The following CLEC2B variants were observed in gnomAD, a reference collection of about 807,000 sequenced individuals.
The protein encoded by CLEC2B is C-type lectin domain family 2 member B, also known as C-type (calcium dependent, carbohydrate-recognition domain) lectin, superfamily member 2 (activation-induced).
Under a neutral mutation model 16.2 loss-of-function variants are expected in CLEC2B, and 14 were observed. The observed-to-expected ratio is 0.86, with a 90% confidence interval of 0.57 to 1.35. The LOEUF (loss-of-function observed/expected upper bound fraction) is 1.35, where lower values mean the gene tolerates loss of function less well. Among genes scored for constraint, CLEC2B ranks in the 40% most tolerant of loss-of-function variants. The pLI is 0.00. For missense variants in CLEC2B, 166 were observed against 182.3 expected (o/e 0.91, Z 0.52); for synonymous variants, 42 against 55.8 (o/e 0.75, Z 1.10).
intron 2 of CLEC2B, among the ~76,000 whole-genome samples, chr12:9,858,998 C>T (rs1477190613): frequency 1.3e-5 from 2 of 151,886 alleles, no homozygotes; most frequent in African/African-American, 4.8e-5. Flanking sequence ...TTTTTTTCAA[C>T]CTGTTATATG....
intron 4 of CLEC2B, 118 bp from the exon 5 acceptor site, chr12:9,853,526 C>T: frequency 1.4e-6 from 1 of 733,136 alleles, no homozygotes; most frequent in Non-Finnish European, 2.4e-6. Context: ...GCACAGTTCT[C>T]TCTTGCTAGT....
chr12:9,863,505 A>C (rs1867948646), intron 1 of CLEC2B, among the ~76,000 whole-genome samples: 1 of 152,214 alleles, frequency 6.6e-6, no homozygotes, highest in South Asian at 2.1e-4. Context: ...CACTTGTACC[A>C]AGAATTCAAA....
chr12:9,853,135 C>A lies in CLEC2B; in HGVS notation c.*165G>T. On this transcript the variant is annotated 3_prime_UTR_variant, in exon 5 of 5. Coordinates refer to ENST00000228438, the MANE Select transcript of CLEC2B (RefSeq NM_005127.3). ...AAAAACTCAGCAGAATACCTGTAAC[C>A]ATTTTTTGCCAATCTTTGAAGTGGC... 6 of 512,298 alleles carry A rather than the reference C, an allele frequency of 1.2e-5. No individual in the cohort carries two copies. Among genetic ancestry groups the A allele is most frequent in the South Asian group, 2.7e-5 (1 of 37,566 alleles). The allele number at this position is 512,298 out of a possible 1,614,324, so 31.7% of individuals were successfully genotyped here. A position where few individuals can be genotyped will look rare whatever the true frequency, so the allele number is the denominator to read the frequency against.
intron 1 of CLEC2B, among the ~76,000 whole-genome samples, chr12:9,865,180 CAAAAAAAAA>C (rs56774558): frequency 1.9e-4 from 19 of 99,104 alleles, no homozygotes; most frequent in African/African-American, 7.0e-4. Context: ...AAGACTCTCT[CAAAAAAAAA>C]AAAAAAAAAA....
At chr12:9,854,799 C>A (rs114190342) in intron 3 of CLEC2B, 5 of 420,442 alleles carry the variant, frequency 1.2e-5, no homozygotes, top group African/African-American at 8.2e-5. Context: ...ATTGAGCTCT[C>A]GCACAGCATT....
intron 2 of CLEC2B, among the ~76,000 whole-genome samples, chr12:9,859,022 G>T (rs957534610): frequency 6.6e-6 from 1 of 151,806 alleles, no homozygotes; most frequent in African/African-American, 2.4e-5. Context: ...TACAAATTTT[G>T]CTGTGACCAT....
chr12:9,864,711 A>T (rs1042329236), intron 1 of CLEC2B, among the ~76,000 whole-genome samples: 9 of 152,204 alleles, frequency 5.9e-5, no homozygotes, highest in African/African-American at 2.2e-4. Flanking sequence ...TAAAAATAAA[A>T]AGCAACTAAT....
chr12:9,855,198 CT>C (rs1320515191), intron 3 of CLEC2B, among the ~76,000 whole-genome samples: 1 of 152,054 alleles, frequency 6.6e-6, no homozygotes, highest in African/African-American at 2.4e-5. Context: ...TATCACTCTA[CT>C]TTTCAATTTA....
At chr12:9,862,198 AT>A (rs1452223173) in intron 2 of CLEC2B, among the ~76,000 whole-genome samples, 2 of 152,050 alleles carry the variant, frequency 1.3e-5, no homozygotes, top group African/African-American at 4.8e-5. Flanking sequence ...TTTATATAAA[AT>A]TTTTTAGTAG....
intron 3 of CLEC2B, among the ~76,000 whole-genome samples, chr12:9,855,631 T>A (rs3829318): frequency 0.036 from 5,496 of 151,858 alleles, 342 homozygotes; most frequent in East Asian, 0.29. Flanking sequence ...TAATTCATAG[T>A]CTAGACTCAG....
intron 1 of CLEC2B, among the ~76,000 whole-genome samples, chr12:9,863,698 A>G (rs925237466): frequency 5.3e-5 from 8 of 152,186 alleles, no homozygotes; most frequent in African/African-American, 1.9e-4. Flanking sequence ...AGAATGGATC[A>G]AGAAGAAGAA....
In CLEC2B at chr12:9,857,597, A is replaced by G. The variant is rs201142725; in HGVS notation, c.114T>C (p.Asp38=). The G allele has an allele frequency of 1.4e-5, 23 of 1,611,166 alleles. No individual in the cohort carries two copies. The highest frequency in any genetic ancestry group is 2.0e-5 in the Non-Finnish European group (23 of 1,178,014). The change falls in exon 3 of 5, where the codon GAT becomes GAC. Residue 38 remains aspartate (D), a synonymous_variant. Transcript: ENST00000228438. ...AGCATTTGTTTTGGAAACCAATCCA[A>G]TCATAGGGGCATAAACTCTGAGAAT... is the stretch of plus-strand genomic sequence containing the variant. ...TRDSQSLCPY[D]WIGFQNKCYY... is the part of the protein sequence containing the mutation.
intron 4 of CLEC2B, among the ~76,000 whole-genome samples, chr12:9,854,014 G>A (rs1037977122): frequency 2.6e-5 from 4 of 152,036 alleles, no homozygotes; most frequent in Non-Finnish European, 4.4e-5. Flanking sequence ...GAAAATGAAC[G>A]TCAAATTGAA....
chr12:9,860,550 T>A lies in CLEC2B; in HGVS notation c.73+1949A>T, dbSNP rs534327896. 1.3e-4 allele frequency among the ~76,000 whole-genome samples: 19 copies of A among 151,972 alleles called. No individual in the cohort carries two copies. The East Asian group carries it at 3.5e-3, about 28-fold the overall frequency. On this transcript the variant is annotated intron_variant, in intron 2 of 4. Coordinates refer to ENST00000228438, the MANE Select transcript of CLEC2B (RefSeq NM_005127.3). ...AATATTTTAAATGTATGATTCAATA[T>A]TAAGATAATGATTCCATGAAAATTG...
chr12:9,869,315 C>G lies in CLEC2B; in HGVS notation c.-113G>C, dbSNP rs1264610726. ...ATTTAACTTTAATATAAAAATGTTACTCTTGTTTTTACAGCACAGCTCCAA... is the reference window on the plus strand; with the variant it reads ...ATTTAACTTTAATATAAAAATGTTAGTCTTGTTTTTACAGCACAGCTCCAA... On this transcript the variant is annotated 5_prime_UTR_variant, in exon 1 of 5. Transcript: ENST00000228438. 1 of 152,112 alleles carries G rather than the reference C, an allele frequency of 6.6e-6. No homozygotes were observed. Among genetic ancestry groups the G allele is most frequent in the Non-Finnish European group, 1.5e-5 (1 of 67,992 alleles). The allele number at this position is 152,112 out of a possible 1,614,324, so 9.4% of individuals were successfully genotyped here. A position where few individuals can be genotyped will look rare whatever the true frequency, so the allele number is the denominator to read the frequency against.
At chr12:9,868,030 C>G (rs904237366) in intron 1 of CLEC2B, among the ~76,000 whole-genome samples, 1 of 151,362 alleles carries the variant, frequency 6.6e-6, no homozygotes, top group African/African-American at 2.4e-5. Flanking sequence ...TTATATCACA[C>G]TGCCCTAAAT....
At chr12:9,857,261 G>C in intron 3 of CLEC2B, 1 of 519,240 alleles carries the variant, frequency 1.9e-6, no homozygotes, top group Non-Finnish European at 3.4e-6. Context: ...ATAAAGATAG[G>C]TATTAAGTCT....
chr12:9,853,085 G>GAAAGAAAGAAAGAA lies in CLEC2B; in HGVS notation c.*214_*215insTTCTTTCTTTCTTT, dbSNP rs1555123321. 142 of 315,874 alleles carry GAAAGAAAGAAAGAA rather than the reference G, an allele frequency of 4.5e-4. No individual in the cohort carries two copies. The highest frequency in any genetic ancestry group is 1.0e-3 in the South Asian group (26 of 25,758). The allele number at this position is 315,874 out of a possible 1,614,324, so 19.6% of individuals were successfully genotyped here. ...AGAAAGAAAGAAAGAAAGAAAGAAA[G>GAAAGAAAGAAAGAA]AGAGAGAGAGAAAGAAAGAAAGAAA... On this transcript the variant is annotated 3_prime_UTR_variant, in exon 5 of 5. Coordinates refer to ENST00000228438, the MANE Select transcript of CLEC2B (RefSeq NM_005127.3).
Position 9,864,738 on chromosome 12 carries a change from A to C in CLEC2B, c.-2-2165T>G, listed in dbSNP as rs1867958318. On this transcript the variant is annotated intron_variant, in intron 1 of 4. Coordinates refer to ENST00000228438, the MANE Select transcript of CLEC2B (RefSeq NM_005127.3). ...GCAACTAATTAATATATACCACCAG[A>C]GAAAATTATATAACCCCAAAGAATG... is the stretch of plus-strand genomic sequence containing the variant. Among the ~76,000 whole-genome samples the C allele has an allele frequency of 3.3e-5, 5 of 152,174 alleles. No individual in the cohort carries two copies. The South Asian group carries it at 1.0e-3, about 32-fold the overall frequency.
Sources: allele counts gnomAD v4.1 joint callset (sites outside exome capture counted in the v4.1 genomes callset), GRCh38; gene constraint gnomAD v4.1.1; transcripts MANE v1.5; gene names NCBI Gene and HGNC (gene_info 2026-07-23, HGNC 2026-07-21).